TCERG1L: variants seen among roughly 807,000 people sequenced by gnomAD.
The protein encoded by TCERG1L is transcription elongation regulator 1 like, also known as transcription elongation regulator 1-like protein.
A neutral mutation model predicts 56.3 loss-of-function variants in TCERG1L; 37 were observed. The ratio of observed to expected loss-of-function variants is 0.66; its 90% confidence interval spans 0.51 to 0.87. TCERG1L has a LOEUF of 0.87. Among genes scored for constraint, TCERG1L ranks in the 40% least tolerant of loss-of-function variants. The pLI is 0.00. For synonymous variants in TCERG1L, 324 were observed against 326.3 expected, an observed-to-expected ratio of 0.99 and a Z score of 0.08; for missense variants, 799 against 774.2, an observed-to-expected ratio of 1.03 and a Z score of -0.38.
At chr10:131,125,485 C>T (rs1845556375) in intron 8 of TCERG1L, among the ~76,000 whole-genome samples, 1 of 152,194 alleles carries the variant, frequency 6.6e-6, no homozygotes, top group Non-Finnish European at 1.5e-5. Context: ...AATCTTTTGC[C>T]TTATGGGGCC....
chr10:131,273,073 C>T (rs571957890), intron 3 of TCERG1L, among the ~76,000 whole-genome samples: 5 of 152,270 alleles, frequency 3.3e-5, no homozygotes, highest in East Asian at 1.9e-4. Context: ...GGAGTGGGCC[C>T]GACCTCACCC....
chr10:131,104,333 C>T lies in TCERG1L; in HGVS notation c.1417G>A (p.Glu473Lys), dbSNP rs1168590473. The T allele has an allele frequency of 6.5e-7, 1 of 1,548,122 alleles. No individual in the cohort carries two copies. Among genetic ancestry groups the T allele is most frequent in the Admixed American group, 2.0e-5 (1 of 50,986 alleles). Reference protein sequence around the residue: ...ERGVSAFSTWEKELHKIVFDP... With the variant: ...ERGVSAFSTWKKELHKIVFDP... ...AACACGATTTTGTGTAATTCTTTCT[C>T]CCAGGTAGAAAATGCTGATACCTAA... Residue 473 changes from glutamate to lysine, a missense_variant, in exon 10 of 12, where the codon GAG (glutamate) becomes AAG (lysine). Glu to Lys is a moderately conservative substitution (Grantham distance 56). Coordinates refer to ENST00000368642, the MANE Select transcript of TCERG1L (RefSeq NM_174937.4).
intron 3 of TCERG1L, among the ~76,000 whole-genome samples, chr10:131,300,821 T>C (rs2133581981): frequency 6.6e-6 from 1 of 150,958 alleles, no homozygotes; most frequent in East Asian, 1.9e-4. Context: ...ATGAATGAGA[T>C]AAATACGGTT....
intron 9 of TCERG1L, among the ~76,000 whole-genome samples, chr10:131,114,462 G>A (rs1386101991): frequency 1.0e-5 from 1 of 98,578 alleles, no homozygotes; most frequent in Non-Finnish European, 2.6e-5. Context: ...CACGGGACTA[G>A]GCTTCACCCT....
intron 10 of TCERG1L, among the ~76,000 whole-genome samples, chr10:131,100,129 A>C (rs1845291480): frequency 6.6e-6 from 1 of 152,174 alleles, no homozygotes; most frequent in South Asian, 2.1e-4. Flanking sequence ...AGCCTTCCAA[A>C]GTGCTGGGAT....
At chr10:131,245,978 C>T (rs1000232227) in intron 4 of TCERG1L, among the ~76,000 whole-genome samples, 8 of 152,080 alleles carry the variant, frequency 5.3e-5, no homozygotes, top group East Asian at 1.9e-4. Flanking sequence ...ATGGGAATGA[C>T]GGGGTAAACA....
chr10:131,138,407 A>G lies in TCERG1L; in HGVS notation c.1190-3959T>C, dbSNP rs568652698. ...GGAATACAGGCTTCAGGGGCATCAC[A>G]CATGGATGGCTCCAGCCTGCACAAG... On this transcript the variant is annotated intron_variant, in intron 7 of 11. Transcript: ENST00000368642. Among the ~76,000 whole-genome samples, 66 of 152,352 alleles carry G rather than the reference A, an allele frequency of 4.3e-4. 1 individual carries two copies. The highest frequency in any genetic ancestry group is 3.4e-3 in the Middle Eastern group (1 of 294).
At position 131,275,194 on chromosome 10, in the gene TCERG1L, G is replaced by A. The variant is rs78414707; in HGVS notation, c.671-14750C>T. Among the ~76,000 whole-genome samples, 284 of 152,290 alleles carry A rather than the reference G, an allele frequency of 1.9e-3. 1 individual carries two copies. The highest frequency in any genetic ancestry group is 2.0e-3 in the Non-Finnish European group (138 of 68,036). ...AGGTGCAGCTTTGGCATATGTCCAC[G>A]GAGGACCCTGATGATGTAAGCTCAA... On this transcript the variant is annotated intron_variant, in intron 3 of 11. Coordinates refer to ENST00000368642, the MANE Select transcript of TCERG1L (RefSeq NM_174937.4).
At chr10:131,144,645 G>C (rs575151606) in intron 7 of TCERG1L, among the ~76,000 whole-genome samples, 2 of 152,204 alleles carry the variant, frequency 1.3e-5, no homozygotes, top group South Asian at 4.1e-4. Flanking sequence ...AGGGAAGTAA[G>C]ATTAAAAATC....
At chr10:131,234,685 CGTT>C (rs1845894140) in intron 4 of TCERG1L, among the ~76,000 whole-genome samples, 1 of 134,526 alleles carries the variant, frequency 7.4e-6, no homozygotes, top group African/African-American at 2.5e-5. Context: ...ATTTTGTTGT[CGTT>C]GTTTGTTTGT....
At chr10:131,263,094 T>C (rs1023341833) in intron 3 of TCERG1L, among the ~76,000 whole-genome samples, 5 of 152,146 alleles carry the variant, frequency 3.3e-5, no homozygotes, top group Non-Finnish European at 7.3e-5. Flanking sequence ...AGAGTGTGTT[T>C]TGCTTTTTAA....
intron 7 of TCERG1L, among the ~76,000 whole-genome samples, chr10:131,141,481 C>A (rs141180518): frequency 6.0e-4 from 91 of 152,282 alleles, no homozygotes; most frequent in African/African-American, 2.1e-3. Flanking sequence ...CAAGGCATAG[C>A]GCTCCCTGCC....
In TCERG1L at chr10:131,280,837, C is replaced by G. The variant is rs548355505; in HGVS notation, c.671-20393G>C. Among the ~76,000 whole-genome samples, 13 of 152,224 alleles carry G rather than the reference C, an allele frequency of 8.5e-5. No homozygotes were observed. In the South Asian group the frequency reaches 2.7e-3, roughly 32 times the overall value. Reference sequence around the variant, plus strand: ...GACAGCTCTGAGCCTGCACCAGCATCCCCACCACCCCAGGCCAGGCCCTCC... The same window carrying G: ...GACAGCTCTGAGCCTGCACCAGCATGCCCACCACCCCAGGCCAGGCCCTCC... On this transcript the variant is annotated intron_variant, in intron 3 of 11. Transcript: ENST00000368642.
intron 4 of TCERG1L, among the ~76,000 whole-genome samples, chr10:131,199,760 A>G (rs2918137): frequency 1 from 152,277 of 152,280 alleles, 76,137 homozygotes; most frequent in Non-Finnish European, 1. Flanking sequence ...TGTGTTCAGC[A>G]GTGCACAGCC....
At position 131,254,648 on chromosome 10, in the gene TCERG1L, G is replaced by A. The variant is rs184460113; in HGVS notation, c.856+5611C>T. 3.3e-5 allele frequency among the ~76,000 whole-genome samples: 5 copies of A among 152,322 alleles called. No homozygotes were observed. In the East Asian group the frequency reaches 9.7e-4, roughly 30 times the overall value. ...AGGAAGGTGGGCAAAGAGAGGAGGAGGCACCGTGGACTCGGTGTGGGTTGG... is the reference window on the plus strand; with the variant it reads ...AGGAAGGTGGGCAAAGAGAGGAGGAAGCACCGTGGACTCGGTGTGGGTTGG... On this transcript the variant is annotated intron_variant, in intron 4 of 11. Coordinates refer to ENST00000368642, the MANE Select transcript of TCERG1L (RefSeq NM_174937.4).
chr10:131,109,441 ACTGTGG>A (rs947316249), intron 9 of TCERG1L, among the ~76,000 whole-genome samples: 1 of 151,790 alleles, frequency 6.6e-6, no homozygotes, highest in Non-Finnish European at 1.5e-5. Context: ...CATGTCTGTG[ACTGTGG>A]CTGTGTCTGT....
At chr10:131,283,249 C>T (rs1201265774) in intron 3 of TCERG1L, among the ~76,000 whole-genome samples, 21 of 152,148 alleles carry the variant, frequency 1.4e-4, no homozygotes, top group Admixed American at 1.4e-3. Context: ...CGACTTCTTT[C>T]CATTTCCCAG....
chr10:131,110,783 T>A (rs1046158662), intron 9 of TCERG1L, among the ~76,000 whole-genome samples: 7 of 152,204 alleles, frequency 4.6e-5, no homozygotes, highest in Admixed American at 3.3e-4. Context: ...GCGTCAGCCC[T>A]GAGAAAAGGG....
At chr10:131,188,683 C>G (rs538758506) in intron 4 of TCERG1L, among the ~76,000 whole-genome samples, 61 of 152,286 alleles carry the variant, frequency 4.0e-4, no homozygotes, top group Non-Finnish European at 6.8e-4. Flanking sequence ...TAAATTGTAT[C>G]TACACATGGG....
Sources: allele counts gnomAD v4.1 joint callset (sites outside exome capture counted in the v4.1 genomes callset), GRCh38; gene constraint gnomAD v4.1.1; transcripts MANE v1.5; gene names NCBI Gene and HGNC (gene_info 2026-07-23, HGNC 2026-07-21).